The following TDRD9 variants were observed in gnomAD, a reference collection of about 807,000 sequenced individuals.
The protein encoded by TDRD9 is ATP-dependent RNA helicase TDRD9.
A neutral mutation model predicts 172.6 loss-of-function variants in TDRD9; 124 were observed. The ratio of observed to expected loss-of-function variants is 0.72; its 90% confidence interval spans 0.62 to 0.83. The LOEUF is 0.83. TDRD9 is among the 40% of genes least tolerant of loss of function. TDRD9 has a pLI of 0.00. For missense variants in TDRD9, 1,479 were observed against 1,714.1 expected (o/e 0.86, Z 2.42); for synonymous variants, 619 against 617.1 (o/e 1.00, Z -0.05).
At chr14:104,016,127 T>TG in intron 22 of TDRD9, 39 bp downstream of exon 22, 1 of 1,388,764 alleles carries the variant, frequency 7.2e-7, no homozygotes. Flanking sequence ...TGGGGTGTGG[T>TG]GGGGCAGAAC....
chr14:103,987,621 A>G (rs2152190918), intron 8 of TDRD9, among the ~76,000 whole-genome samples: 1 of 152,206 alleles, frequency 6.6e-6, no homozygotes, highest in African/African-American at 2.4e-5. Context: ...AACATATTTT[A>G]TATTTTTTCT....
chr14:103,978,899 CA>C (rs796512360), intron 7 of TDRD9, among the ~76,000 whole-genome samples: 3 of 152,222 alleles, frequency 2.0e-5, no homozygotes, highest in Admixed American at 6.5e-5. Flanking sequence ...TTGTATCAAA[CA>C]TTTTTTTGTG....
chr14:104,016,191 T>C (rs2034786503), intron 22 of TDRD9, 103 bp downstream of exon 22: 2 of 805,164 alleles, frequency 2.5e-6, no homozygotes, highest in African/African-American at 1.7e-5. Flanking sequence ...AATTTTCCCC[T>C]GGCGTGAATA....
At position 103,928,729 on chromosome 14, in the gene TDRD9, G is replaced by A; in HGVS notation, c.215+5G>A. ...GCCGGCCGCTGCGTTCGAAAGGTAG[G>A]ACGCGGGCGGGGCGGAGGCGGCTGG... On this transcript the variant is annotated splice_donor_5th_base_variant and intron_variant, in intron 1 of 35. Transcript: ENST00000409874. The A allele has an allele frequency of 2.1e-5, 23 of 1,110,608 alleles. No individual in the cohort carries two copies. Among genetic ancestry groups the A allele is most frequent in the Non-Finnish European group, 2.6e-5 (23 of 890,412 alleles). 68.8% of individuals were successfully genotyped at this position (1,110,608 alleles called of 1,614,324 possible). A position where few individuals can be genotyped will look rare whatever the true frequency, so the allele number is the denominator to read the frequency against.
rs60394937 is a variant in TDRD9, at chr14:104,024,749, TACACACACACACACAC to T, written c.2718+95_2718+110del. ...ATCATCATGTTGTATACAGGAAGTT[TACACACACACACACAC>T]ACACACACACACACACACACACACA... On this transcript the variant is annotated intron_variant, in intron 25 of 35. Coordinates refer to ENST00000409874, the MANE Select transcript of TDRD9 (RefSeq NM_153046.3). 1.3e-3 allele frequency: 569 copies of T among 434,348 alleles called. 1 individual carries two copies. The highest frequency in any genetic ancestry group is 4.7e-3 in the East Asian group (124 of 26,504). 26.9% of individuals were successfully genotyped at this position (434,348 alleles called of 1,614,324 possible).
chr14:103,948,681 G>A (rs2031701828), intron 1 of TDRD9, among the ~76,000 whole-genome samples: 1 of 152,040 alleles, frequency 6.6e-6, no homozygotes, highest in African/African-American at 2.4e-5. Context: ...GAACCTTGAG[G>A]ACATTATGCT....
At chr14:103,994,696 C>A in intron 11 of TDRD9, 93 bp downstream of exon 11, 1 of 1,021,480 alleles carries the variant, frequency 9.8e-7, no homozygotes, top group South Asian at 1.5e-5. Context: ...TGTCGTGGCT[C>A]ATGCGTGTGT....
rs762391026 is a variant in TDRD9 at position 103,998,608 on chromosome 14, T to C, written c.1379-16T>C. On this transcript the variant is annotated splice_polypyrimidine_tract_variant and intron_variant, in intron 12 of 35. Transcript: ENST00000409874. ...TTATTAGCATGGTGTTTACAGTCCT[T>C]TTTTTTAAATGGCAGTTATAGATTT... The C allele has an allele frequency of 7.0e-7, 1 of 1,426,352 alleles. No homozygotes were observed. The highest frequency in any genetic ancestry group is 9.9e-7 in the Non-Finnish European group (1 of 1,010,560). The allele number at this position is 1,426,352 out of a possible 1,614,324, so 88.4% of individuals were successfully genotyped here.
At chr14:103,943,772 T>G (rs923925340) in intron 1 of TDRD9, among the ~76,000 whole-genome samples, 1 of 152,232 alleles carries the variant, frequency 6.6e-6, no homozygotes, top group African/African-American at 2.4e-5. Flanking sequence ...TATTTGTTTC[T>G]TCTGTTGCTT....
At chr14:103,941,756 CA>C in intron 1 of TDRD9, 1 of 1,272,492 alleles carries the variant, frequency 7.9e-7, no homozygotes, top group Non-Finnish European at 1.0e-6. Flanking sequence ...TTCTTCTGAG[CA>C]AATATTTGTT....
rs2035948559 is a variant in TDRD9 at position 104,052,008 on chromosome 14, G to A, written c.4075G>A (p.Ala1359Thr). ...QVDPKLVMEQ[A>T]DRESSRGKNT... is the part of the protein sequence containing the mutation. ...TGATCCAAAGCTGGTCATGGAGCAG[G>A]CCGACCGTGAGAGCAGCAGAGGGAA... Residue 1359 changes from alanine (A) to threonine (T), a missense_variant, in exon 36 of 36, where the codon GCC becomes ACC. By Grantham distance (58) the Ala-to-Thr change is moderately conservative. This residue lies in a region of TDRD9 where 1,413 missense variants were observed against 1,649.1 expected (regional missense o/e 0.86). Coordinates refer to ENST00000409874, the MANE Select transcript of TDRD9 (RefSeq NM_153046.3). 3.8e-6 allele frequency: 6 copies of A among 1,596,054 alleles called. No individual in the cohort carries two copies. Among genetic ancestry groups the A allele is most frequent in the Non-Finnish European group, 4.3e-6 (5 of 1,171,114 alleles).
chr14:104,011,830 A>G (rs2034621389), intron 20 of TDRD9, among the ~76,000 whole-genome samples: 1 of 152,178 alleles, frequency 6.6e-6, no homozygotes, highest in African/African-American at 2.4e-5. Flanking sequence ...ATTGGCTAGA[A>G]GGACTCACAG....
rs1031565752 is a variant in TDRD9, at chr14:104,052,541, G to A, written c.*459G>A. On this transcript the variant is annotated 3_prime_UTR_variant, in exon 36 of 36. Coordinates refer to ENST00000409874, the MANE Select transcript of TDRD9 (RefSeq NM_153046.3). ...TATTTTCTGATTTTTTTTTCCATGA[G>A]GGAAAATATCTAATTTTTATAAGAC... 1 of 152,486 alleles carries A rather than the reference G, an allele frequency of 6.6e-6. No homozygotes were observed. Among genetic ancestry groups the A allele is most frequent in the African/African-American group, 2.4e-5 (1 of 41,366 alleles). 9.4% of individuals were successfully genotyped at this position (152,486 alleles called of 1,614,324 possible). A position where few individuals can be genotyped will look rare whatever the true frequency, so the allele number is the denominator to read the frequency against.
chr14:104,011,641 A>G (rs959080507), intron 20 of TDRD9, among the ~76,000 whole-genome samples: 7 of 152,142 alleles, frequency 4.6e-5, no homozygotes, highest in African/African-American at 1.7e-4. Context: ...TCAGGTACCC[A>G]TTTAATCCAG....
At chr14:103,935,842 A>G (rs1187451) in intron 1 of TDRD9, among the ~76,000 whole-genome samples, 152,280 of 152,284 alleles carry the variant, frequency 1, 76,138 homozygotes, top group Non-Finnish European at 1. Context: ...GATTTTGTAT[A>G]TTATTTTTCC....
At chr14:103,981,469 A>G (rs1267795456) in intron 7 of TDRD9, among the ~76,000 whole-genome samples, 1 of 152,182 alleles carries the variant, frequency 6.6e-6, no homozygotes, top group African/African-American at 2.4e-5. Flanking sequence ...AGAATAGAGA[A>G]TGTCCAGCTT....
At chr14:104,012,952 G>A (rs923790286) in intron 20 of TDRD9, among the ~76,000 whole-genome samples, 4 of 152,108 alleles carry the variant, frequency 2.6e-5, no homozygotes, top group Non-Finnish European at 5.9e-5. Context: ...TTGCATTTTA[G>A]TATAGAGAGT....
Position 104,018,162 on chromosome 14 carries a change from A to G in TDRD9, c.2402A>G (p.Gln801Arg), listed in dbSNP as rs773341297. The change falls in exon 23 of 36, where the codon CAA becomes CGA. Residue 801 changes from glutamine to arginine, a missense_variant. By Grantham distance (43) the Gln-to-Arg change is conservative. Around this residue, in one of 3 missense-constraint regions of TDRD9, gnomAD observed 1,413 missense variants for 1,649.1 expected, o/e 0.86. Transcript: ENST00000409874. ...CAGTCTCTCTTTAGACAGTGTGGTC[A>G]AGTCAAATCCATTGTATTTGATGGT... ...QLQSLFRQCG[Q>R]VKSIVFDGAK... The G allele has an allele frequency of 1.2e-6, 2 of 1,605,540 alleles. No individual in the cohort carries two copies. The highest frequency in any genetic ancestry group is 1.7e-5 in the Admixed American group (1 of 59,670).
chr14:104,009,345 C>T (rs144842433), intron 20 of TDRD9, among the ~76,000 whole-genome samples: 27 of 152,168 alleles, frequency 1.8e-4, no homozygotes, highest in African/African-American at 4.6e-4. Flanking sequence ...CCATCTACTC[C>T]GGCCTGTGGG....
Sources: allele counts gnomAD v4.1 joint callset (sites outside exome capture counted in the v4.1 genomes callset), GRCh38; gene constraint gnomAD v4.1.1; regional missense constraint gnomAD v4.1.1; transcripts MANE v1.5; gene names NCBI Gene and HGNC (gene_info 2026-07-23, HGNC 2026-07-21).